CCDC7: variants seen among roughly 807,000 people sequenced by gnomAD.
CCDC7 encodes coiled-coil domain-containing protein 7.
In CCDC7, 183 loss-of-function variants were observed where a neutral mutation model predicts 196.9. That is an observed-to-expected ratio of 0.93 (90% CI 0.82 to 1.05). The LOEUF (loss-of-function observed/expected upper bound fraction) is 1.05. Among genes scored for constraint, CCDC7 ranks in the 50% least tolerant of loss-of-function variants. CCDC7 has a pLI of 0.00. For synonymous variants in CCDC7, 525 were observed against 484.6 expected, an observed-to-expected ratio of 1.08 and a Z score of -1.10; for missense variants, 1,540 against 1,482.2, an observed-to-expected ratio of 1.04 and a Z score of -0.64.
chr10:32,829,062 G>A (rs7909863), intron 32 of CCDC7, among the ~76,000 whole-genome samples: 21,910 of 152,058 alleles, frequency 0.14, 1,924 homozygotes, highest in African/African-American at 0.25. Flanking sequence ...TGATTGACCC[G>A]GACTATCAAG....
At chr10:32,516,040 T>C (rs796576858) in intron 9 of CCDC7, among the ~76,000 whole-genome samples, 12 of 152,002 alleles carry the variant, frequency 7.9e-5, no homozygotes, top group African/African-American at 2.7e-4. Context: ...TTAAAAACTC[T>C]TGTGCTGCAA....
At chr10:32,453,576 C>T (rs866082675) in intron 2 of CCDC7, 140 bp downstream of exon 3, 1 of 626,546 alleles carries the variant, frequency 1.6e-6, no homozygotes, top group African/African-American at 1.9e-5. Flanking sequence ...GAAAATGATC[C>T]TCTTAGAAAA....
intron 28 of CCDC7, among the ~76,000 whole-genome samples, chr10:32,757,835 A>G (rs993808313): frequency 5.9e-5 from 9 of 152,248 alleles, no homozygotes. Context: ...TGAAAAGATC[A>G]ACAAAATTGA....
intron 29 of CCDC7, among the ~76,000 whole-genome samples, chr10:32,797,125 C>A (rs2083706161): frequency 6.6e-6 from 1 of 151,426 alleles, no homozygotes; most frequent in Non-Finnish European, 1.5e-5. Context: ...ACCTAAATGC[C>A]CATCAATCAA....
At chr10:32,716,838 G>T (rs981708016) in intron 25 of CCDC7, among the ~76,000 whole-genome samples, 2 of 152,208 alleles carry the variant, frequency 1.3e-5, no homozygotes, top group Non-Finnish European at 2.9e-5. Context: ...AATGCAACAA[G>T]AAGAGCTAAC....
intron 25 of CCDC7, among the ~76,000 whole-genome samples, chr10:32,720,084 C>T (rs1306697810): frequency 6.6e-6 from 1 of 152,134 alleles, no homozygotes; most frequent in African/African-American, 2.4e-5. Context: ...TATAAAGACA[C>T]ATGCACACGT....
intron 11 of CCDC7, among the ~76,000 whole-genome samples, chr10:32,533,476 A>G (rs1236646624): frequency 6.6e-6 from 1 of 151,904 alleles, no homozygotes; most frequent in African/African-American, 2.4e-5. Flanking sequence ...CATGTACTTA[A>G]TTTTACCAAG....
intron 18 of CCDC7, among the ~76,000 whole-genome samples, chr10:32,603,090 G>A (rs965472155): frequency 6.6e-6 from 1 of 151,810 alleles, no homozygotes; most frequent in South Asian, 2.1e-4. Flanking sequence ...ATTAGCTAAT[G>A]TCGCTTCATT....
chr10:32,636,225 T>C (rs552352501), intron 20 of CCDC7, among the ~76,000 whole-genome samples: 1 of 152,308 alleles, frequency 6.6e-6, no homozygotes, highest in East Asian at 1.9e-4. Context: ...AGTTCTTTTT[T>C]TTATTTTTTA....
intron 26 of CCDC7, among the ~76,000 whole-genome samples, chr10:32,727,491 G>A (rs958532357): frequency 1.3e-5 from 2 of 152,036 alleles, no homozygotes; most frequent in African/African-American, 4.8e-5. Context: ...AAATTCACAG[G>A]GAAGGGTGGA....
intron 9 of CCDC7, among the ~76,000 whole-genome samples, chr10:32,517,714 T>A (rs1441560906): frequency 1.3e-5 from 2 of 151,396 alleles, no homozygotes; most frequent in South Asian, 2.1e-4. Context: ...CACATGTTTG[T>A]TACATATGTA....
intron 37 of CCDC7, 65 bp from the exon 39 acceptor site, chr10:32,847,768 A>G (rs2093368966): frequency 4.1e-6 from 4 of 983,518 alleles, no homozygotes; most frequent in Non-Finnish European, 6.2e-6. Flanking sequence ...AAAAAGAACT[A>G]AAATACATGT....
chr10:32,619,910 C>T (rs1257067045), intron 18 of CCDC7, among the ~76,000 whole-genome samples: 3 of 79,276 alleles, frequency 3.8e-5, no homozygotes, highest in East Asian at 4.7e-4. Flanking sequence ...TTCAATGTAC[C>T]TTTTTTTTTT....
chr10:32,706,776 G>A (rs2079842738), intron 24 of CCDC7, among the ~76,000 whole-genome samples: 1 of 152,196 alleles, frequency 6.6e-6, no homozygotes, highest in East Asian at 1.9e-4. Context: ...CCAGGAAGAA[G>A]TTGAATCCCT....
chr10:32,809,604 G>T (rs1195195467), intron 30 of CCDC7, among the ~76,000 whole-genome samples: 1 of 152,158 alleles, frequency 6.6e-6, no homozygotes, highest in East Asian at 1.9e-4. Flanking sequence ...AGACATTTAT[G>T]CAGCCAACAG....
At chr10:32,484,547 G>A (rs1333008364) in intron 8 of CCDC7, among the ~76,000 whole-genome samples, 1 of 152,144 alleles carries the variant, frequency 6.6e-6, no homozygotes, top group Non-Finnish European at 1.5e-5. Flanking sequence ...AATAGGAGTG[G>A]TGAGGGAGGG....
intron 8 of CCDC7, among the ~76,000 whole-genome samples, chr10:32,485,019 A>G (rs949276764): frequency 6.6e-6 from 1 of 152,156 alleles, no homozygotes; most frequent in African/African-American, 2.4e-5. Context: ...TCATAAAATG[A>G]GTTAGGGAGC....
chr10:32,651,275 A>T (rs1411572566), intron 20 of CCDC7, among the ~76,000 whole-genome samples: 1 of 152,150 alleles, frequency 6.6e-6, no homozygotes, highest in South Asian at 2.1e-4. Flanking sequence ...TGGTGCTGGG[A>T]AACAGCTGGG....
At chr10:32,717,591 G>A (rs2081802711) in intron 25 of CCDC7, among the ~76,000 whole-genome samples, 3 of 151,486 alleles carry the variant, frequency 2.0e-5, no homozygotes. Context: ...TTCAGGAGCT[G>A]TTTTTTTGAA....
Sources: gnomAD v4.1 joint callset for allele counts (sites outside exome capture counted in the v4.1 genomes callset) on GRCh38, gnomAD v4.1.1 for gene constraint, MANE v1.5 for transcripts, NCBI Gene and HGNC (gene_info 2026-07-23, HGNC 2026-07-21) for gene names.